The following CHST11 variants were observed in gnomAD, a reference collection of about 807,000 sequenced individuals.
CHST11 encodes the protein C4S-1.
CHST11 carries 9 observed loss-of-function variants against 30.4 expected under a neutral mutation model. The observed-to-expected ratio is 0.30, with a 90% CI of 0.18 to 0.52. The LOEUF (loss-of-function observed/expected upper bound fraction) is 0.52, where lower values mean the gene tolerates loss of function less well. Ranked by LOEUF, CHST11 falls within the 20% of genes least tolerant of loss-of-function variation. The pLI is 0.97. For missense variants in CHST11, 348 were observed against 460.6 expected, an observed-to-expected ratio of 0.76 and a Z score of 2.24; for synonymous variants, 152 against 187.8, an observed-to-expected ratio of 0.81 and a Z score of 1.56.
intron 2 of CHST11, among the ~76,000 whole-genome samples, chr12:104,744,844 C>T (rs867662101): frequency 9.0e-4 from 134 of 148,212 alleles, no homozygotes; most frequent in African/African-American, 2.4e-3. Context: ...ATCCCAGCAT[C>T]ATTTATTTAT....
At chr12:104,574,738 TAGGAGA>T (rs2136026839) in intron 1 of CHST11, among the ~76,000 whole-genome samples, 1 of 151,850 alleles carries the variant, frequency 6.6e-6, no homozygotes, top group South Asian at 2.1e-4. Context: ...GGGATAGCAT[TAGGAGA>T]TATACCTAAT....
Position 104,757,223 on chromosome 12 carries a change from A to G in CHST11, c.479A>G (p.Asn160Ser), listed in dbSNP as rs200936081. ...IPANEAHVSA[N>S]LKTLNQYSIP... ...GCCAACGAGGCACACGTCTCCGCCA[A>G]CCTGAAGACCCTGAACCAGTACAGC... is the stretch of plus-strand genomic sequence containing the variant. Residue 160 changes from asparagine to serine, a missense_variant, in exon 3 of 3, where the codon AAC (asparagine) becomes AGC (serine). Transcript: ENST00000303694. This position sits in a 1 kb window ranked among gnomAD's most constrained non-coding sequence, Gnocchi z 6.5. The G allele has an allele frequency of 4.4e-5, 71 of 1,614,020 alleles. No individual in the cohort carries two copies. The highest frequency in any genetic ancestry group is 1.7e-5 in the Admixed American group (1 of 60,000).
intron 2 of CHST11, among the ~76,000 whole-genome samples, chr12:104,611,045 C>T (rs768082952): frequency 2.6e-5 from 4 of 152,086 alleles, no homozygotes; most frequent in East Asian, 3.8e-4. Flanking sequence ...CTCCAAGCTC[C>T]GGTGAAATGT....
intron 2 of CHST11, among the ~76,000 whole-genome samples, chr12:104,677,467 A>G (rs1008601191): frequency 2.4e-4 from 37 of 152,240 alleles, no homozygotes; most frequent in African/African-American, 6.0e-4. Flanking sequence ...AGATCAAGGC[A>G]GTCTTTTGTG....
intron 2 of CHST11, among the ~76,000 whole-genome samples, chr12:104,679,097 G>A (rs777480599): frequency 2.0e-5 from 3 of 152,170 alleles, no homozygotes; most frequent in East Asian, 1.9e-4. Flanking sequence ...GCCACCAACC[G>A]ACCTGTGAGG....
At chr12:104,471,644 G>A (rs2037510113) in intron 1 of CHST11, among the ~76,000 whole-genome samples, 1 of 152,126 alleles carries the variant, frequency 6.6e-6, no homozygotes, top group Non-Finnish European at 1.5e-5. Context: ...CACTGCTGCT[G>A]CACACAGAAC....
intron 2 of CHST11, among the ~76,000 whole-genome samples, chr12:104,615,882 C>G (rs1206715945): frequency 6.6e-6 from 1 of 151,824 alleles, no homozygotes; most frequent in Non-Finnish European, 1.5e-5. Flanking sequence ...GAGCCAAGAT[C>G]ACACCACTGC....
intron 2 of CHST11, among the ~76,000 whole-genome samples, chr12:104,647,961 C>T (rs576846253): frequency 5.4e-4 from 83 of 152,324 alleles, no homozygotes; most frequent in African/African-American, 1.4e-3. Context: ...CCCAAGTGAA[C>T]GGTCTGAGAG....
At chr12:104,561,205 T>G (rs994770043) in intron 1 of CHST11, among the ~76,000 whole-genome samples, 1 of 152,084 alleles carries the variant, frequency 6.6e-6, no homozygotes, top group South Asian at 2.1e-4. Flanking sequence ...AAGATGGGAG[T>G]TCATCTCTCA....
At chr12:104,582,138 A>T (rs1156715932) in intron 1 of CHST11, among the ~76,000 whole-genome samples, 1 of 152,226 alleles carries the variant, frequency 6.6e-6, no homozygotes, top group Non-Finnish European at 1.5e-5. Context: ...GAGTTGTGGC[A>T]GCCAATGCAC....
At chr12:104,554,585 A>G (rs2038436712) in intron 1 of CHST11, among the ~76,000 whole-genome samples, 1 of 152,190 alleles carries the variant, frequency 6.6e-6, no homozygotes, top group African/African-American at 2.4e-5. Context: ...CCTGGGTACC[A>G]GGGAAGCTGG....
At chr12:104,751,478 A>G (rs1185080916) in intron 2 of CHST11, among the ~76,000 whole-genome samples, 1 of 152,250 alleles carries the variant, frequency 6.6e-6, no homozygotes, top group African/African-American at 2.4e-5. Flanking sequence ...CTAAGAAGTC[A>G]TGAATTGCAA....
At chr12:104,673,055 C>T (rs961852877) in intron 2 of CHST11, among the ~76,000 whole-genome samples, 3 of 152,212 alleles carry the variant, frequency 2.0e-5, no homozygotes. Flanking sequence ...TTATTTGCCT[C>T]TCCCAGTTGC....
chr12:104,528,426 A>T (rs2038149205), intron 1 of CHST11, among the ~76,000 whole-genome samples: 1 of 152,208 alleles, frequency 6.6e-6, no homozygotes, highest in Non-Finnish European at 1.5e-5. Flanking sequence ...AATTTCAATG[A>T]AACTGGCGAG....
chr12:104,527,021 T>C (rs921576765), intron 1 of CHST11, among the ~76,000 whole-genome samples: 2 of 152,218 alleles, frequency 1.3e-5, no homozygotes, highest in Non-Finnish European at 2.9e-5. Context: ...GCACTCTTTC[T>C]AAAATGGCTC....
rs554626368 is a variant in CHST11, at chr12:104,599,264, A to C, written c.119-2642A>C. Reference sequence around the variant, plus strand: ...GGTTCAGGCCCCACACGGTCAAAGCATTTTAAAGGCCTTGTATTAGACAAA... The same window carrying C: ...GGTTCAGGCCCCACACGGTCAAAGCCTTTTAAAGGCCTTGTATTAGACAAA... On this transcript the variant is annotated intron_variant, in intron 1 of 2. Transcript: ENST00000303694. Among the ~76,000 whole-genome samples, 12 of 152,334 alleles carry C rather than the reference A, an allele frequency of 7.9e-5. No individual in the cohort carries two copies. In the South Asian group the frequency reaches 2.5e-3, roughly 32 times the overall value.
At chr12:104,726,377 A>G (rs751435275) in intron 2 of CHST11, among the ~76,000 whole-genome samples, 2 of 152,242 alleles carry the variant, frequency 1.3e-5, no homozygotes, top group African/African-American at 2.4e-5. Context: ...GCCGTTGAGC[A>G]TATTCAAAGA....
intron 2 of CHST11, among the ~76,000 whole-genome samples, chr12:104,672,961 C>T (rs2039709453): frequency 6.6e-6 from 1 of 152,214 alleles, no homozygotes; most frequent in African/African-American, 2.4e-5. Flanking sequence ...GAAATGTATT[C>T]TTTCCCAGTT....
At chr12:104,721,067 G>A (rs2040172124) in intron 2 of CHST11, among the ~76,000 whole-genome samples, 1 of 152,184 alleles carries the variant, frequency 6.6e-6, no homozygotes, top group South Asian at 2.1e-4. Flanking sequence ...CCTGAGAAAT[G>A]TTTGCTTACA....
Sources: allele counts gnomAD v4.1 joint callset (sites outside exome capture counted in the v4.1 genomes callset), GRCh38; gene constraint gnomAD v4.1.1; non-coding constraint Gnocchi (gnomAD v3.1); transcripts MANE v1.5; gene names NCBI Gene and HGNC (gene_info 2026-07-23, HGNC 2026-07-21).